AGBL1: variants seen among roughly 807,000 people sequenced by gnomAD.
The protein encoded by AGBL1 is AGBL carboxypeptidase 1.
In AGBL1, 130 loss-of-function variants were observed where a neutral mutation model predicts 118.9. That is an observed-to-expected ratio of 1.09 (90% CI 0.95 to 1.26). The LOEUF (loss-of-function observed/expected upper bound fraction) is 1.26. Ranked by LOEUF, AGBL1 falls within the 50% of genes most tolerant of loss-of-function variation. The probability of loss-of-function intolerance (pLI) is 0.00; values close to 1 mark genes in which losing one functional copy is unlikely to be tolerated. For missense variants in AGBL1, 1,584 were observed against 1,298.1 expected, an observed-to-expected ratio of 1.22 and a Z score of -3.38; for synonymous variants, 555 against 478.9, an observed-to-expected ratio of 1.16 and a Z score of -2.08.
intron 22 of AGBL1, among the ~76,000 whole-genome samples, chr15:86,896,398 A>T (rs1363195393): frequency 2.9e-5 from 3 of 102,946 alleles, no homozygotes; most frequent in East Asian, 2.6e-4. Context: ...CCCTGGGTTT[A>T]AAAAAAAAAA....
At chr15:86,700,586 A>T (rs2086341058) in intron 22 of AGBL1, among the ~76,000 whole-genome samples, 1 of 152,156 alleles carries the variant, frequency 6.6e-6, no homozygotes, top group East Asian at 1.9e-4. Flanking sequence ...TTTAGAAAAG[A>T]TATAGAGCAT....
intron 17 of AGBL1, among the ~76,000 whole-genome samples, chr15:86,324,161 GA>G (rs1272664630): frequency 6.6e-6 from 1 of 152,174 alleles, no homozygotes; most frequent in Non-Finnish European, 1.5e-5. Flanking sequence ...TGATGACTAA[GA>G]TAGTCCTCAT....
At chr15:86,539,706 T>C (rs2083468877) in intron 19 of AGBL1, among the ~76,000 whole-genome samples, 1 of 152,216 alleles carries the variant, frequency 6.6e-6, no homozygotes, top group Non-Finnish European at 1.5e-5. Flanking sequence ...TTTGCTTGGA[T>C]AGCTCTCACT....
At chr15:86,983,983 T>A (rs2081256084) in intron 23 of AGBL1, among the ~76,000 whole-genome samples, 1 of 152,216 alleles carries the variant, frequency 6.6e-6, no homozygotes, top group Admixed American at 6.5e-5. Context: ...TCCTAAAATA[T>A]TTATATACAA....
intron 22 of AGBL1, among the ~76,000 whole-genome samples, chr15:86,744,665 C>T (rs1415733708): frequency 6.6e-6 from 1 of 152,118 alleles, no homozygotes; most frequent in Admixed American, 6.6e-5. Context: ...TAGATCAGCT[C>T]TCCCTTCCCC....
At chr15:86,797,872 T>C (rs1237291667) in intron 22 of AGBL1, among the ~76,000 whole-genome samples, 1 of 152,192 alleles carries the variant, frequency 6.6e-6, no homozygotes, top group Non-Finnish European at 1.5e-5. Context: ...GTAAAATTAC[T>C]TCTTTTCTTG....
intron 3 of AGBL1, among the ~76,000 whole-genome samples, chr15:86,152,353 T>C (rs906174067): frequency 5.3e-5 from 8 of 152,012 alleles, no homozygotes; most frequent in Non-Finnish European, 1.0e-4. Context: ...GACTCAGAAA[T>C]TACACCACAC....
chr15:86,540,789 A>G (rs1302291744), intron 19 of AGBL1, among the ~76,000 whole-genome samples: 1 of 152,226 alleles, frequency 6.6e-6, no homozygotes, highest in African/African-American at 2.4e-5. Context: ...CTTAGAATTA[A>G]CAGGCATTTG....
intron 22 of AGBL1, among the ~76,000 whole-genome samples, chr15:86,735,600 G>A (rs903218152): frequency 8.8e-6 from 1 of 113,988 alleles, no homozygotes; most frequent in Non-Finnish European, 1.8e-5. Flanking sequence ...TAGAGATACA[G>A]ACTGTGTGTG....
At chr15:86,175,768 A>C (rs1228517702) in intron 5 of AGBL1, among the ~76,000 whole-genome samples, 1 of 152,170 alleles carries the variant, frequency 6.6e-6, no homozygotes, top group Non-Finnish European at 1.5e-5. Flanking sequence ...TGGCCATTCA[A>C]GAGCATGTTG....
rs1241655518 is a variant in AGBL1, at chr15:86,526,565, TATATATATACAC to T, written c.2685+3628_2685+3639del. Among the ~76,000 whole-genome samples, 554 of 133,038 alleles carry T rather than the reference TATATATATACAC, an allele frequency of 4.2e-3. 3 individuals carry two copies. The highest frequency in any genetic ancestry group is 0.016 in the African/African-American group (523 of 32,556). 87.3% of individuals were successfully genotyped at this position (133,038 alleles called of 152,430 possible). ...CTGTGTATATATATATATATATATA[TATATATATACAC>T]ACAGAGTATATATATGTATATAGTG... is the stretch of plus-strand genomic sequence containing the variant. On this transcript the variant is annotated intron_variant, in intron 19 of 22. Coordinates refer to ENST00000614907, the MANE Select transcript of AGBL1 (RefSeq NM_001386094.1).
In AGBL1 at chr15:86,143,793, C is replaced by T. The variant is rs913446272; in HGVS notation, c.210C>T (p.Asp70=). The change falls in exon 3 of 23, where the codon GAC becomes GAT. Residue 70 remains aspartate (D), a synonymous_variant. Transcript: ENST00000614907. ...ACACAGCGAGGACAGCTCCTCCAGA[C>T]TATGACATCCTCCTGCCTCTCTTCC... The part of the protein sequence containing the change: ...LVDTARTAPP[D]YDILLPLFRL... The T allele has an allele frequency of 1.9e-6, 3 of 1,613,882 alleles. No individual in the cohort carries two copies. The highest frequency in any genetic ancestry group is 1.3e-5 in the African/African-American group (1 of 75,058).
In AGBL1 at chr15:86,613,434, T is replaced by C. The variant is rs1310594070; in HGVS notation, c.2994+58897T>C. Among the ~76,000 whole-genome samples the C allele has an allele frequency of 6.6e-6, 1 of 152,150 alleles. No individual in the cohort carries two copies. Among genetic ancestry groups the C allele is most frequent in the East Asian group, 1.9e-4 (1 of 5,196 alleles). On this transcript the variant is annotated intron_variant, in intron 21 of 22. Coordinates refer to ENST00000614907, the MANE Select transcript of AGBL1 (RefSeq NM_001386094.1). The surrounding 1 kb of genome is among the most constrained non-coding windows in gnomAD (Gnocchi z 4.2). ...GCATGTTCAAAGCTGCTTAGCCAGATGAGTGGCAGGAGGAGCTGTGGGCAT... is the reference window on the plus strand; with the variant it reads ...GCATGTTCAAAGCTGCTTAGCCAGACGAGTGGCAGGAGGAGCTGTGGGCAT...
chr15:86,413,175 G>A (rs749649498), intron 18 of AGBL1, among the ~76,000 whole-genome samples: 5 of 152,030 alleles, frequency 3.3e-5, no homozygotes, highest in Non-Finnish European at 7.4e-5. Flanking sequence ...TTTCTTTATA[G>A]AAGAGAAAAA....
intron 22 of AGBL1, among the ~76,000 whole-genome samples, chr15:86,776,203 T>C (rs1210662889): frequency 6.6e-6 from 1 of 152,152 alleles, no homozygotes; most frequent in African/African-American, 2.4e-5. Flanking sequence ...ATGATCACAG[T>C]TTACAGATCC....
chr15:86,910,867 C>T lies in AGBL1; in HGVS notation c.*3573C>T, dbSNP rs543624172. 6.6e-6 allele frequency: 1 copy of T among 152,302 alleles called. No homozygotes were observed. Among genetic ancestry groups the T allele is most frequent in the South Asian group, 2.1e-4 (1 of 4,828 alleles). 9.4% of individuals were successfully genotyped at this position (152,302 alleles called of 1,614,324 possible). Reference sequence around the variant, plus strand: ...GGGGACTTGGGAGCAGACCTCTCTCCTTTCCTGCTAGGACTGAAGGCTATC... The same window carrying T: ...GGGGACTTGGGAGCAGACCTCTCTCTTTTCCTGCTAGGACTGAAGGCTATC... On this transcript the variant is annotated 3_prime_UTR_variant, in exon 23 of 23. Coordinates refer to ENST00000614907, the MANE Select transcript of AGBL1 (RefSeq NM_001386094.1).
At chr15:86,967,293 G>A (rs933101268) in intron 23 of AGBL1, among the ~76,000 whole-genome samples, 4 of 152,078 alleles carry the variant, frequency 2.6e-5, no homozygotes, top group Non-Finnish European at 4.4e-5. Flanking sequence ...TCACTCTGAC[G>A]GTAATTTCTT....
chr15:86,627,008 T>A (rs1272246345), intron 21 of AGBL1, among the ~76,000 whole-genome samples: 1 of 151,496 alleles, frequency 6.6e-6, no homozygotes, highest in African/African-American at 2.4e-5. Flanking sequence ...CAGCTAATTT[T>A]TTTTTTTTTT....
At chr15:86,266,871 G>T in intron 12 of AGBL1, 119 bp from the exon 13 acceptor site, 1 of 902,742 alleles carries the variant, frequency 1.1e-6, no homozygotes. Context: ...CTGCACTCCA[G>T]CCTGGGCAAC....
Sources: gnomAD v4.1 joint callset for allele counts (sites outside exome capture counted in the v4.1 genomes callset) on GRCh38, gnomAD v4.1.1 for gene constraint, Gnocchi (gnomAD v3.1) non-coding constraint, MANE v1.5 for transcripts, NCBI Gene and HGNC (gene_info 2026-07-23, HGNC 2026-07-21) for gene names.